HS6ST3: variants seen among roughly 807,000 people sequenced by gnomAD.
The protein encoded by HS6ST3 is heparan sulfate 6-O-sulfotransferase 3.
Under a neutral mutation model 36.7 loss-of-function variants are expected in HS6ST3, and 12 were observed. The observed-to-expected ratio is 0.33, with a 90% CI of 0.21 to 0.53. HS6ST3 has a LOEUF of 0.53. Among genes scored for constraint, HS6ST3 ranks in the 20% least tolerant of loss-of-function variants. HS6ST3 has a pLI of 0.95. For missense variants in HS6ST3, 584 were observed against 640.9 expected (o/e 0.91, Z 0.96); for synonymous variants, 240 against 257.5 (o/e 0.93, Z 0.65).
chr13:96,383,819 G>C (rs1288026373), intron 1 of HS6ST3, among the ~76,000 whole-genome samples: 2 of 152,196 alleles, frequency 1.3e-5, no homozygotes, highest in African/African-American at 4.8e-5. Flanking sequence ...AATTCTGATG[G>C]ACAGATGGGG....
chr13:96,718,864 C>T (rs1196874343), intron 1 of HS6ST3, among the ~76,000 whole-genome samples: 2 of 152,164 alleles, frequency 1.3e-5, no homozygotes, highest in African/African-American at 2.4e-5. Context: ...CATCCTTTCA[C>T]TTTGTAGTAA....
intron 1 of HS6ST3, among the ~76,000 whole-genome samples, chr13:96,661,526 G>A (rs2056646310): frequency 2.0e-5 from 3 of 151,878 alleles, no homozygotes; most frequent in Admixed American, 2.0e-4. Flanking sequence ...GCAGTATATG[G>A]GTGAATCTCA....
chr13:96,284,247 T>A (rs1457660800), intron 1 of HS6ST3, among the ~76,000 whole-genome samples: 1 of 151,662 alleles, frequency 6.6e-6, no homozygotes, highest in Admixed American at 6.6e-5. Context: ...TGAAGGGGAG[T>A]TTATTAAGGA....
At position 96,819,862 on chromosome 13, in the gene HS6ST3, TGTCACATGGTGACAGACCAGTCA is replaced by T. The variant is rs1229599826; in HGVS notation, c.708-12615_708-12593del. 1.3e-3 allele frequency among the ~76,000 whole-genome samples: 197 copies of T among 152,196 alleles called. 1 individual carries two copies. Among genetic ancestry groups the T allele is most frequent in the African/African-American group, 4.4e-3 (181 of 41,540 alleles). On this transcript the variant is annotated intron_variant, in intron 1 of 1. Coordinates refer to ENST00000376705, the MANE Select transcript of HS6ST3 (RefSeq NM_153456.4). ...TGAGGTCAGGAGTTTGAGACCAGTC[TGTCACATGGTGACAGACCAGTCA>T]GTCACATGGTGAAACCCCCATCTCT...
At chr13:96,635,931 C>T (rs1048363857) in intron 1 of HS6ST3, among the ~76,000 whole-genome samples, 1 of 152,132 alleles carries the variant, frequency 6.6e-6, no homozygotes, top group African/African-American at 2.4e-5. Flanking sequence ...GGGAATAAAG[C>T]AGAGGAAAGG....
chr13:96,154,597 A>G (rs923095033), intron 1 of HS6ST3, among the ~76,000 whole-genome samples: 2 of 152,182 alleles, frequency 1.3e-5, no homozygotes, highest in Admixed American at 1.3e-4. Context: ...CCTCTTACAA[A>G]TCAATAAAAA....
chr13:96,122,137 CTATTAT>C (rs1040920112), intron 1 of HS6ST3, among the ~76,000 whole-genome samples: 14 of 25,508 alleles, frequency 5.5e-4, no homozygotes, highest in Admixed American at 4.0e-3. Context: ...ATTATTATTA[CTATTAT>C]TATTATTTGC....
chr13:96,255,668 C>T (rs2054633743), intron 1 of HS6ST3, among the ~76,000 whole-genome samples: 1 of 152,174 alleles, frequency 6.6e-6, no homozygotes. Flanking sequence ...GACTTACCAA[C>T]TTCCATATAA....
intron 1 of HS6ST3, among the ~76,000 whole-genome samples, chr13:96,785,789 A>G (rs1877633768): frequency 6.6e-6 from 1 of 152,188 alleles, no homozygotes; most frequent in South Asian, 2.1e-4. Flanking sequence ...AGCACCTACT[A>G]TGGAACCTGC....
intron 1 of HS6ST3, among the ~76,000 whole-genome samples, chr13:96,309,368 G>A (rs2054929390): frequency 6.6e-6 from 1 of 152,082 alleles, no homozygotes; most frequent in Non-Finnish European, 1.5e-5. Context: ...CTTGGTTTCT[G>A]ACTGTGATAA....
intron 1 of HS6ST3, among the ~76,000 whole-genome samples, chr13:96,303,999 C>A (rs1392547918): frequency 6.6e-6 from 1 of 151,912 alleles, no homozygotes; most frequent in African/African-American, 2.4e-5. Flanking sequence ...AAAAATTAGC[C>A]AGGTGTGATG....
chr13:96,122,724 G>C (rs34554595), intron 1 of HS6ST3, among the ~76,000 whole-genome samples: 27,124 of 152,104 alleles, frequency 0.18, 2,585 homozygotes, highest in Middle Eastern at 0.24. Flanking sequence ...TCATATATCT[G>C]TCTCTTTGCT....
At chr13:96,188,787 G>A (rs1256419692) in intron 1 of HS6ST3, among the ~76,000 whole-genome samples, 1 of 152,162 alleles carries the variant, frequency 6.6e-6, no homozygotes, top group African/African-American at 2.4e-5. Context: ...ATTATTATCA[G>A]ATGATTGCAT....
At chr13:96,094,918 C>T (rs890014220) in intron 1 of HS6ST3, among the ~76,000 whole-genome samples, 1 of 152,118 alleles carries the variant, frequency 6.6e-6, no homozygotes, top group East Asian at 1.9e-4. Flanking sequence ...CTTTCTCACT[C>T]TCTTTATGCT....
intron 1 of HS6ST3, among the ~76,000 whole-genome samples, chr13:96,591,929 T>C (rs150892298): frequency 6.6e-6 from 1 of 152,252 alleles, no homozygotes; most frequent in East Asian, 1.9e-4. Flanking sequence ...ATTTACCAAA[T>C]ACATTTTTAG....
At chr13:96,405,773 A>G (rs938004060) in intron 1 of HS6ST3, among the ~76,000 whole-genome samples, 4 of 152,334 alleles carry the variant, frequency 2.6e-5, no homozygotes, top group African/African-American at 9.6e-5. Flanking sequence ...CAGGTTTGCA[A>G]GAACAGTAGA....
intron 1 of HS6ST3, among the ~76,000 whole-genome samples, chr13:96,503,695 C>T (rs947335774): frequency 4.6e-5 from 7 of 152,166 alleles, no homozygotes; most frequent in African/African-American, 1.7e-4. Flanking sequence ...TAGTAGCTCA[C>T]ATTCATTGAG....
chr13:96,692,253 C>T (rs1238427830), intron 1 of HS6ST3, among the ~76,000 whole-genome samples: 4 of 152,072 alleles, frequency 2.6e-5, no homozygotes, highest in Non-Finnish European at 4.4e-5. Flanking sequence ...TACCAAAATC[C>T]ATGAATGCCC....
chr13:96,474,335 AT>A (rs1164289104), intron 1 of HS6ST3, among the ~76,000 whole-genome samples: 8 of 152,170 alleles, frequency 5.3e-5, no homozygotes, highest in Admixed American at 1.3e-4. Context: ...ACGATGGTGT[AT>A]TAGCATTGAG....
Sources: allele counts gnomAD v4.1 joint callset (sites outside exome capture counted in the v4.1 genomes callset), GRCh38; gene constraint gnomAD v4.1.1; transcripts MANE v1.5; gene names NCBI Gene and HGNC (gene_info 2026-07-23, HGNC 2026-07-21).